GRIN2A: variants seen among roughly 807,000 people sequenced by gnomAD.
The protein encoded by GRIN2A is glutamate receptor ionotropic, NMDA 2A.
GRIN2A carries 22 observed loss-of-function variants against 113.4 expected under a neutral mutation model. The ratio of observed to expected loss-of-function variants is 0.19; its 90% CI spans 0.14 to 0.28. The LOEUF (loss-of-function observed/expected upper bound fraction) is 0.28, where lower values mean the gene tolerates loss of function less well. Among genes scored for constraint, GRIN2A ranks in the 10% least tolerant of loss-of-function variants. GRIN2A has a pLI of 1.00. For synonymous variants in GRIN2A, 827 were observed against 738.4 expected, an observed-to-expected ratio of 1.12 and a Z score of -1.94; for missense variants, 1,502 against 1,887.0, an observed-to-expected ratio of 0.80 and a Z score of 3.78.
chr16:9,865,357 G>C (rs922865836), intron 4 of GRIN2A, among the ~76,000 whole-genome samples: 3 of 152,080 alleles, frequency 2.0e-5, no homozygotes, highest in African/African-American at 7.2e-5. Flanking sequence ...AACAATTTGA[G>C]AGCCCTATGG....
rs1259125482 is a variant in GRIN2A at position 9,757,633 on chromosome 16, G to A, written c.*5516C>T. 2 of 222,138 alleles carry A rather than the reference G, an allele frequency of 9.0e-6. No homozygotes were observed. The highest frequency in any genetic ancestry group is 3.7e-4 in the South Asian group (2 of 5,412). The allele number at this position is 222,138 out of a possible 1,614,324, so 13.8% of individuals were successfully genotyped here. A position where few individuals can be genotyped will look rare whatever the true frequency, so the allele number is the denominator to read the frequency against. On this transcript the variant is annotated 3_prime_UTR_variant, in exon 13 of 13. Transcript: ENST00000330684. ...ACATTCAGTGAAGTCCTATTAGCTG[G>A]TCAATGTGCTTGGTTCTTCCTCAAT...
chr16:9,881,727 A>G (rs7203981), intron 4 of GRIN2A, among the ~76,000 whole-genome samples: 51,612 of 151,990 alleles, frequency 0.34, 10,612 homozygotes, highest in African/African-American at 0.58. Context: ...AAAACACACC[A>G]TGAGCTCTCA....
intron 2 of GRIN2A, among the ~76,000 whole-genome samples, chr16:10,044,032 G>T (rs1257908307): frequency 8.0e-5 from 11 of 137,042 alleles, no homozygotes; most frequent in East Asian, 6.7e-4. Flanking sequence ...TAGAGAGAGA[G>T]AGAGAGAGAG....
chr16:9,997,601 G>A (rs775967652), intron 2 of GRIN2A, among the ~76,000 whole-genome samples: 1 of 152,086 alleles, frequency 6.6e-6, no homozygotes, highest in Non-Finnish European at 1.5e-5. Context: ...TTACATGTTT[G>A]TTGTGTATCC....
chr16:9,964,526 C>G lies in GRIN2A; in HGVS notation c.415-25975G>C, dbSNP rs533082099. On this transcript the variant is annotated intron_variant, in intron 2 of 12. Transcript: ENST00000330684. ...TGGTTCTGAAATGTGAAATGGGTCT[C>G]GCTGGACTAAAATCAAGGTGTCAGC... Among the ~76,000 whole-genome samples the G allele has an allele frequency of 1.0e-3, 154 of 152,294 alleles. No homozygotes were observed. The Middle Eastern group carries it at 0.017, about 17-fold the overall frequency.
intron 11 of GRIN2A, among the ~76,000 whole-genome samples, chr16:9,780,377 G>A (rs375602977): frequency 2.6e-5 from 4 of 152,090 alleles, no homozygotes; most frequent in African/African-American, 9.7e-5. Context: ...AAATTTGTAC[G>A]ATAAAATACC....
At position 9,762,869 on chromosome 16, in the gene GRIN2A, G is replaced by C. The variant is rs1286139545; in HGVS notation, c.*280C>G. ...TGCATCATTATTGCCAACATACCCAGTAGGCATGTCCCGGAGACTTGCCCT... is the reference window on the plus strand; with the variant it reads ...TGCATCATTATTGCCAACATACCCACTAGGCATGTCCCGGAGACTTGCCCT... On this transcript the variant is annotated 3_prime_UTR_variant, in exon 13 of 13. Coordinates refer to ENST00000330684, the MANE Select transcript of GRIN2A (RefSeq NM_001134407.3). 1 of 525,564 alleles carries C rather than the reference G, an allele frequency of 1.9e-6. No individual in the cohort carries two copies. Among genetic ancestry groups the C allele is most frequent in the African/African-American group, 1.9e-5 (1 of 52,830 alleles). The allele number at this position is 525,564 out of a possible 1,614,324, so 32.6% of individuals were successfully genotyped here.
intron 10 of GRIN2A, among the ~76,000 whole-genome samples, chr16:9,811,404 A>G (rs546053310): frequency 1.3e-4 from 20 of 152,188 alleles, no homozygotes; most frequent in Non-Finnish European, 1.6e-4. Context: ...TATCTGGCAG[A>G]GTTGAATCAG....
chr16:9,984,971 C>T (rs186092184), intron 2 of GRIN2A, among the ~76,000 whole-genome samples: 1 of 152,270 alleles, frequency 6.6e-6, no homozygotes, highest in Non-Finnish European at 1.5e-5. Flanking sequence ...TACAAACACA[C>T]ACATACCAGT....
chr16:9,763,579 CCCT>C lies in GRIN2A; in HGVS notation c.3962_3964del (p.Glu1321del). ...ACTAAACAGGCTGCCGTAAAAATTT[CCCT>C]CCAGAAGCCGTTCCCTGTCCTTGAG... On this transcript the variant is annotated inframe_deletion, in exon 13 of 13. Transcript: ENST00000330684. The C allele has an allele frequency of 3.1e-6, 5 of 1,613,842 alleles. No individual in the cohort carries two copies. Among genetic ancestry groups the C allele is most frequent in the Non-Finnish European group, 4.2e-6 (5 of 1,180,000 alleles).
At position 10,180,491 on chromosome 16, in the gene GRIN2A, A is replaced by G; in HGVS notation, c.-18-62T>C. On this transcript the variant is annotated intron_variant, in intron 1 of 12. Coordinates refer to ENST00000330684, the MANE Select transcript of GRIN2A (RefSeq NM_001134407.3). The surrounding 1 kb of genome is among the most constrained non-coding windows in gnomAD (Gnocchi z 7.0). ...GCAAGGCGACCAGAAGAAAGGGATT[A>G]CCAACTTGGCTTCCTGCTCTAGGAG... The G allele has an allele frequency of 4.5e-6, 7 of 1,544,806 alleles. No individual in the cohort carries two copies. Among genetic ancestry groups the G allele is most frequent in the South Asian group, 1.2e-5 (1 of 85,124 alleles).
At chr16:10,105,562 A>C (rs2016627) in intron 2 of GRIN2A, among the ~76,000 whole-genome samples, 54,183 of 151,852 alleles carry the variant, frequency 0.36, 9,912 homozygotes, top group East Asian at 0.45. Context: ...AGCGATTTGG[A>C]AGCCCTTATA....
At chr16:10,150,804 C>T (rs1011207236) in intron 2 of GRIN2A, among the ~76,000 whole-genome samples, 2 of 152,158 alleles carry the variant, frequency 1.3e-5, no homozygotes, top group African/African-American at 4.8e-5. Flanking sequence ...TAGTACTTAA[C>T]ACTACCTAAA....
chr16:9,833,536 T>C (rs16966466), intron 8 of GRIN2A, among the ~76,000 whole-genome samples: 1,530 of 152,330 alleles, frequency 0.01, 20 homozygotes, highest in African/African-American at 0.034. Context: ...CAAATCTGCT[T>C]TCCCAACAAA....
intron 4 of GRIN2A, among the ~76,000 whole-genome samples, chr16:9,856,151 A>T (rs376723881): frequency 7.2e-5 from 11 of 152,274 alleles, no homozygotes; most frequent in Admixed American, 1.3e-4. Flanking sequence ...AATTATCCTC[A>T]TTGCATGATG....
chr16:10,171,164 G>C (rs779646433), intron 2 of GRIN2A, among the ~76,000 whole-genome samples: 1 of 152,134 alleles, frequency 6.6e-6, no homozygotes, highest in East Asian at 1.9e-4. Context: ...ACTTGAAAGG[G>C]TAATAAAATA....
intron 2 of GRIN2A, among the ~76,000 whole-genome samples, chr16:10,130,169 C>T (rs1318188250): frequency 6.6e-6 from 1 of 152,154 alleles, no homozygotes; most frequent in East Asian, 1.9e-4. Flanking sequence ...GGTTACATGG[C>T]TGGGAAATGA....
chr16:9,924,533 A>G (rs1174062262), intron 3 of GRIN2A, among the ~76,000 whole-genome samples: 1 of 152,114 alleles, frequency 6.6e-6, no homozygotes, highest in African/African-American at 2.4e-5. Flanking sequence ...TGATTATGCT[A>G]TGTCTTCATA....
chr16:9,850,970 C>A (rs1167189592), intron 4 of GRIN2A, among the ~76,000 whole-genome samples: 1 of 152,134 alleles, frequency 6.6e-6, no homozygotes, highest in African/African-American at 2.4e-5. Context: ...CCACAGGTCA[C>A]CGCTTTATTT....
Sources: gnomAD v4.1 joint callset for allele counts (sites outside exome capture counted in the v4.1 genomes callset) on GRCh38, gnomAD v4.1.1 for gene constraint, Gnocchi (gnomAD v3.1) non-coding constraint, MANE v1.5 for transcripts, NCBI Gene and HGNC (gene_info 2026-07-23, HGNC 2026-07-21) for gene names.